Variants in KHDRBS2 observed in about 807,000 individuals in gnomAD.
The protein encoded by KHDRBS2 is KH domain-containing, RNA-binding, signal transduction-associated protein 2.
Under a neutral mutation model 44.3 loss-of-function variants are expected in KHDRBS2, and 26 were observed. That is an observed-to-expected ratio of 0.59 (90% CI 0.43 to 0.81). The LOEUF (loss-of-function observed/expected upper bound fraction) is 0.81, where lower values mean the gene tolerates loss of function less well. KHDRBS2 is among the 40% of genes least tolerant of loss of function. The pLI, the probability that KHDRBS2 is intolerant of heterozygous loss-of-function variation, is 0.00. For synonymous variants in KHDRBS2, 194 were observed against 151.1 expected (o/e 1.28, Z -2.08); for missense variants, 476 against 433.1 (o/e 1.10, Z -0.88).
intron 2 of KHDRBS2, among the ~76,000 whole-genome samples, chr6:62,150,656 C>T (rs546347858): frequency 1.2e-4 from 18 of 152,170 alleles, no homozygotes; most frequent in Non-Finnish European, 2.6e-4. Flanking sequence ...GTACAACTTT[C>T]GAAGCACCCA....
chr6:61,742,584 T>G (rs1269002818), intron 6 of KHDRBS2, among the ~76,000 whole-genome samples: 1 of 152,098 alleles, frequency 6.6e-6, no homozygotes, highest in Non-Finnish European at 1.5e-5. Context: ...AATATTTTAA[T>G]AGTCTCTTCC....
At chr6:61,714,694 C>A (rs903691048) in intron 7 of KHDRBS2, among the ~76,000 whole-genome samples, 2 of 151,850 alleles carry the variant, frequency 1.3e-5, no homozygotes, top group African/African-American at 4.8e-5. Flanking sequence ...AGTATATGTA[C>A]ACAATGGAAT....
At chr6:62,056,877 C>A (rs1021207165) in intron 2 of KHDRBS2, among the ~76,000 whole-genome samples, 2 of 151,956 alleles carry the variant, frequency 1.3e-5, no homozygotes, top group Non-Finnish European at 2.9e-5. Context: ...ATTTTCTATT[C>A]TCTGCCTTGA....
At chr6:62,122,721 T>C (rs530475018) in intron 2 of KHDRBS2, among the ~76,000 whole-genome samples, 2 of 149,974 alleles carry the variant, frequency 1.3e-5, no homozygotes, top group African/African-American at 5.0e-5. Context: ...CACCTGAAAG[T>C]GGACAGCTGC....
chr6:61,556,253 C>A, the KHDRBS2 span, among the ~76,000 whole-genome samples: 1 of 152,156 alleles, frequency 6.6e-6, no homozygotes, highest in Non-Finnish European at 1.5e-5. Flanking sequence ...GGGGGCAGAG[C>A]TACTGGTGGC....
intron 6 of KHDRBS2, among the ~76,000 whole-genome samples, chr6:61,853,726 AT>A (rs1315159374): frequency 1.3e-5 from 2 of 152,214 alleles, no homozygotes; most frequent in Non-Finnish European, 2.9e-5. Flanking sequence ...ACAAGATGAA[AT>A]CGTATTGCTC....
chr6:61,816,540 ACCC>A, intron 6 of KHDRBS2: 1 of 409,502 alleles, frequency 2.4e-6, no homozygotes, highest in Middle Eastern at 4.5e-4. Flanking sequence ...AAGGAGCACG[ACCC>A]TGCTGACATA....
At chr6:61,948,730 C>T (rs1346292320) in intron 4 of KHDRBS2, among the ~76,000 whole-genome samples, 2 of 150,472 alleles carry the variant, frequency 1.3e-5, no homozygotes, top group African/African-American at 4.9e-5. Context: ...CCAGGCTGGT[C>T]TTGAACTCCT....
intron 6 of KHDRBS2, among the ~76,000 whole-genome samples, chr6:61,733,253 T>G (rs1361453859): frequency 1.3e-5 from 2 of 151,558 alleles, no homozygotes; most frequent in East Asian, 1.9e-4. Context: ...AATAAATAAA[T>G]AAAAGAAAAA....
intron 2 of KHDRBS2, among the ~76,000 whole-genome samples, chr6:62,153,989 G>C (rs1815812317): frequency 6.6e-6 from 1 of 152,100 alleles, no homozygotes; most frequent in Non-Finnish European, 1.5e-5. Context: ...AGAGTCCTGG[G>C]TGTTTGGTTT....
intron 4 of KHDRBS2, among the ~76,000 whole-genome samples, chr6:61,974,988 C>A: frequency 6.6e-6 from 1 of 150,700 alleles, no homozygotes; most frequent in South Asian, 2.1e-4. Context: ...AAATAAAAGA[C>A]TACAGTGTGT....
intron 1 of KHDRBS2, among the ~76,000 whole-genome samples, chr6:62,192,644 T>C (rs1824862929): frequency 6.6e-6 from 1 of 152,192 alleles, no homozygotes; most frequent in Non-Finnish European, 1.5e-5. Flanking sequence ...CCATTATTCA[T>C]TAGAGTTAAA....
At chr6:62,215,934 TTA>T (rs1174797094) in intron 1 of KHDRBS2, among the ~76,000 whole-genome samples, 1 of 151,810 alleles carries the variant, frequency 6.6e-6, no homozygotes, top group African/African-American at 2.4e-5. Context: ...CTATGATTGT[TTA>T]TATGTCATAA....
chr6:61,902,600 AATT>A (rs1239385376), intron 4 of KHDRBS2, among the ~76,000 whole-genome samples: 6 of 152,116 alleles, frequency 3.9e-5, no homozygotes, highest in African/African-American at 1.4e-4. Flanking sequence ...CAATCTGATC[AATT>A]ATTATTCTGG....
the KHDRBS2 span, among the ~76,000 whole-genome samples, chr6:61,580,020 G>T: frequency 2.0e-5 from 3 of 152,134 alleles, no homozygotes; most frequent in Non-Finnish European, 2.9e-5. Flanking sequence ...TCAAGCCATC[G>T]CACTCCAGCC....
the KHDRBS2 span, among the ~76,000 whole-genome samples, chr6:61,562,393 T>C: frequency 6.6e-6 from 1 of 152,182 alleles, no homozygotes; most frequent in Non-Finnish European, 1.5e-5. Flanking sequence ...AAGTGTTGGC[T>C]GGTTTCATGT....
In KHDRBS2 at chr6:61,918,378, C is replaced by T. The variant is rs564257072; in HGVS notation, c.484-17007G>A. ...TCCCCCTCCCAAATTCAAATGTTAA[C>T]TAACCACTCATGTGATATTATTTGG... On this transcript the variant is annotated intron_variant, in intron 4 of 8. Transcript: ENST00000281156. Among the ~76,000 whole-genome samples the T allele has an allele frequency of 3.9e-5, 6 of 152,042 alleles. No homozygotes were observed. In the South Asian group the frequency reaches 8.3e-4, roughly 21 times the overall value.
chr6:61,783,769 G>A (rs1342360012), intron 6 of KHDRBS2, among the ~76,000 whole-genome samples: 2 of 151,960 alleles, frequency 1.3e-5, no homozygotes, highest in Admixed American at 6.6e-5. Flanking sequence ...ATTACAATAT[G>A]TATAGGAGAT....
chr6:61,568,752 G>C, the KHDRBS2 span, among the ~76,000 whole-genome samples: 3 of 152,206 alleles, frequency 2.0e-5, no homozygotes, highest in Non-Finnish European at 2.9e-5. Flanking sequence ...GTGCCTTACA[G>C]GCACTCCCAG....
Sources: allele counts gnomAD v4.1 joint callset (sites outside exome capture counted in the v4.1 genomes callset), GRCh38; gene constraint gnomAD v4.1.1; transcripts MANE v1.5; gene names NCBI Gene and HGNC (gene_info 2026-07-23, HGNC 2026-07-21).